The following XK variants were observed in gnomAD, a reference collection of about 807,000 sequenced individuals.
The protein encoded by XK is endoplasmic reticulum membrane adapter protein XK.
Under a neutral mutation model 14.0 loss-of-function variants are expected in XK, and 2 were observed. That is an observed-to-expected ratio of 0.14 (90% confidence interval 0.06 to 0.45). The LOEUF (loss-of-function observed/expected upper bound fraction) is 0.45. Ranked by LOEUF, XK falls within the 20% of genes least tolerant of loss-of-function variation. The probability of loss-of-function intolerance (pLI) is 0.98; values close to 1 mark genes in which losing one functional copy is unlikely to be tolerated. For synonymous variants in XK, 149 were observed against 147.5 expected (o/e 1.01, Z -0.08); for missense variants, 235 against 341.5 (o/e 0.69, Z 2.46).
At chrX:37,702,810 A>G (rs1927440591) in intron 2 of XK, among the ~76,000 whole-genome samples, 1 of 112,805 alleles carries the variant, frequency 8.9e-6, no homozygotes. Context: ...ATCTCATTTA[A>G]TGAAGTAGTA....
rs1272916456 is a variant in XK, at chrX:37,728,638, G to A, written c.*176G>A. 2 of 509,624 alleles carry A rather than the reference G, an allele frequency of 3.9e-6. No individual in the cohort carries two copies. Among genetic ancestry groups the A allele is most frequent in the African/African-American group, 4.7e-5 (2 of 42,918 alleles). The allele number at this position is 509,624 out of a possible 1,213,427, so 42.0% of individuals were successfully genotyped here. A position where few individuals can be genotyped will look rare whatever the true frequency, so the allele number is the denominator to read the frequency against. On this transcript the variant is annotated 3_prime_UTR_variant, in exon 3 of 3. Transcript: ENST00000378616. The stretch of plus-strand genomic sequence containing the variant: ...GTAGAACTGTATGGGAAGAAGCCAG[G>A]AAAACCTCTGAGTGTTGAAGGGGCA...
At chrX:37,708,758 G>A (rs781931770) in intron 2 of XK, among the ~76,000 whole-genome samples, 1 of 112,361 alleles carries the variant, frequency 8.9e-6, no homozygotes, top group East Asian at 2.8e-4. Flanking sequence ...TTGGCAAAAT[G>A]TTAACACAAA....
chrX:37,704,852 C>G (rs1927481801), intron 2 of XK, among the ~76,000 whole-genome samples: 1 of 111,647 alleles, frequency 9.0e-6, no homozygotes, highest in African/African-American at 3.3e-5. Flanking sequence ...AAAAAAGTAT[C>G]TGGAGATGAT....
intron 2 of XK, among the ~76,000 whole-genome samples, chrX:37,714,726 T>C (rs1179417405): frequency 4.5e-5 from 5 of 111,205 alleles, no homozygotes; most frequent in Non-Finnish European, 9.4e-5. Flanking sequence ...AGATAGCTTG[T>C]TGTGTGTACC....
chrX:37,705,616 G>C (rs1390630048), intron 2 of XK, among the ~76,000 whole-genome samples: 1 of 111,510 alleles, frequency 9.0e-6, no homozygotes, highest in African/African-American at 3.3e-5. Context: ...TGGGGGCACT[G>C]ACAAATCTCT....
intron 2 of XK, among the ~76,000 whole-genome samples, chrX:37,702,019 A>G (rs1288824757): frequency 8.9e-6 from 1 of 112,138 alleles, no homozygotes; most frequent in African/African-American, 3.2e-5. Flanking sequence ...CTGAGAATGA[A>G]GGAAATAGCG....
chrX:37,692,256 A>ATTG (rs1372664251), intron 1 of XK, among the ~76,000 whole-genome samples: 2 of 111,060 alleles, frequency 1.8e-5, no homozygotes, highest in Admixed American at 9.6e-5. Flanking sequence ...TATTATTATT[A>ATTG]TTGTGCATAT....
At chrX:37,718,430 T>C (rs782344129) in intron 2 of XK, among the ~76,000 whole-genome samples, 13 of 112,401 alleles carry the variant, frequency 1.2e-4, no homozygotes, top group Non-Finnish European at 2.1e-4. Context: ...AGCATTGCTG[T>C]ATAGGATTCC....
In XK at chrX:37,691,006, T is replaced by C. The variant is rs781978790; in HGVS notation, c.246-3280T>C. ...TCCTAACCAACAGTGGCAGGAGGTC[T>C]TGGGGCCTTTTACAAATGTATTAAA... On this transcript the variant is annotated intron_variant, in intron 1 of 2. Transcript: ENST00000378616. Among the ~76,000 whole-genome samples the C allele has an allele frequency of 1.5e-4, 17 of 112,244 alleles. 1 individual carries two copies. Among genetic ancestry groups the C allele is most frequent in the African/African-American group, 4.9e-4 (15 of 30,893 alleles).
chrX:37,726,183 G>T (rs1237069599), intron 2 of XK, among the ~76,000 whole-genome samples: 2 of 111,402 alleles, frequency 1.8e-5, no homozygotes, highest in Non-Finnish European at 3.8e-5. Context: ...TCTGGTGGGG[G>T]ATGTTGATAA....
At chrX:37,701,047 ATTC>A (rs1927405533) in intron 2 of XK, among the ~76,000 whole-genome samples, 1 of 112,378 alleles carries the variant, frequency 8.9e-6, no homozygotes, top group Non-Finnish European at 1.9e-5. Flanking sequence ...TTTGGAATAT[ATTC>A]TTCTGTCCTC....
chrX:37,731,157 C>T lies in XK; in HGVS notation c.*2695C>T, dbSNP rs368816232. The T allele has an allele frequency of 1.3e-4, 15 of 112,350 alleles. No homozygotes were observed. The highest frequency in any genetic ancestry group is 4.5e-4 in the African/African-American group (14 of 30,973). 9.3% of individuals were successfully genotyped at this position (112,350 alleles called of 1,213,427 possible). The stretch of plus-strand genomic sequence containing the variant: ...CTATTGGCATAAAACAAACCAGCAA[C>T]TTTTCTCATGTGTTTGGAGTTAAAA... On this transcript the variant is annotated 3_prime_UTR_variant, in exon 3 of 3. Coordinates refer to ENST00000378616, the MANE Select transcript of XK (RefSeq NM_021083.4).
intron 2 of XK, among the ~76,000 whole-genome samples, chrX:37,711,054 A>G (rs1373982786): frequency 8.9e-6 from 1 of 112,208 alleles, no homozygotes; most frequent in Non-Finnish European, 1.9e-5. Context: ...AGGAAGCCCC[A>G]TACTGTTGCC....
chrX:37,717,934 G>A (rs1556448149), intron 2 of XK, among the ~76,000 whole-genome samples: 2 of 111,478 alleles, frequency 1.8e-5, no homozygotes, highest in African/African-American at 6.5e-5. Context: ...ATTTTGCCAG[G>A]GTAGGGAAAA....
chrX:37,704,815 A>C (rs1165643536), intron 2 of XK, among the ~76,000 whole-genome samples: 1 of 111,846 alleles, frequency 8.9e-6, no homozygotes, highest in Non-Finnish European at 1.9e-5. Flanking sequence ...AGCCTGGGCA[A>C]CAAGAATGAA....
At chrX:37,690,672 A>G (rs1423388794) in intron 1 of XK, among the ~76,000 whole-genome samples, 2 of 112,231 alleles carry the variant, frequency 1.8e-5, no homozygotes, top group African/African-American at 6.5e-5. Context: ...TCACTGGTTT[A>G]TGTACTGGCT....
At chrX:37,689,926 A>G (rs1556440978) in intron 1 of XK, among the ~76,000 whole-genome samples, 1 of 111,851 alleles carries the variant, frequency 8.9e-6, no homozygotes, top group African/African-American at 3.2e-5. Context: ...ATTAATTGGG[A>G]GGAATAAATA....
At chrX:37,725,258 G>A (rs1927954531) in intron 2 of XK, among the ~76,000 whole-genome samples, 1 of 111,643 alleles carries the variant, frequency 9.0e-6, no homozygotes, top group Non-Finnish European at 1.9e-5. Flanking sequence ...CTAATATACA[G>A]CATGGTGACT....
chrX:37,701,574 A>G, intron 2 of XK, among the ~76,000 whole-genome samples: 1 of 112,574 alleles, frequency 8.9e-6, no homozygotes, highest in South Asian at 3.7e-4. Flanking sequence ...TGGCCATGTG[A>G]TCTTGGACTT....
Sources: allele counts gnomAD v4.1 joint callset (sites outside exome capture counted in the v4.1 genomes callset), GRCh38; gene constraint gnomAD v4.1.1; transcripts MANE v1.5; gene names NCBI Gene and HGNC (gene_info 2026-07-23, HGNC 2026-07-21).